The following GALNT18 variants were observed in gnomAD, a reference collection of about 807,000 sequenced individuals.
The protein encoded by GALNT18 is polypeptide N-acetylgalactosaminyltransferase 18.
A neutral mutation model predicts 69.5 loss-of-function variants in GALNT18; 44 were observed. The ratio of observed to expected loss-of-function variants is 0.63; its 90% CI spans 0.50 to 0.81. GALNT18 has a LOEUF of 0.81. GALNT18 is among the 40% of genes least tolerant of loss of function. GALNT18 has a pLI of 0.00. For synonymous variants in GALNT18, 364 were observed against 318.2 expected, an observed-to-expected ratio of 1.14 and a Z score of -1.53; for missense variants, 715 against 810.0, an observed-to-expected ratio of 0.88 and a Z score of 1.42.
intron 1 of GALNT18, among the ~76,000 whole-genome samples, chr11:11,471,629 A>G (rs539099154): frequency 8.5e-5 from 13 of 152,342 alleles, no homozygotes; most frequent in African/African-American, 3.1e-4. Flanking sequence ...TATAAAGTCC[A>G]TAGCACAGGA....
At position 11,617,041 on chromosome 11, in the gene GALNT18, A is replaced by G. The variant is rs908625847; in HGVS notation, c.235+4318T>C. Reference sequence around the variant, plus strand: ...CTTCATAAGCACCTTTAAGTTTCCAATGAATTTTAAAGAAAACAGAACTAT... The same window carrying G: ...CTTCATAAGCACCTTTAAGTTTCCAGTGAATTTTAAAGAAAACAGAACTAT... On this transcript the variant is annotated intron_variant, in intron 1 of 10. Transcript: ENST00000227756. This position sits in a 1 kb window ranked among gnomAD's most constrained non-coding sequence, Gnocchi z 4.7. 1.3e-5 allele frequency among the ~76,000 whole-genome samples: 2 copies of G among 152,350 alleles called. No individual in the cohort carries two copies. Among genetic ancestry groups the G allele is most frequent in the East Asian group, 1.9e-4 (1 of 5,184 alleles).
intron 1 of GALNT18, among the ~76,000 whole-genome samples, chr11:11,467,941 A>G (rs1192797764): frequency 6.6e-6 from 1 of 152,214 alleles, no homozygotes; most frequent in African/African-American, 2.4e-5. Context: ...GAGATGTTCC[A>G]TCCTAAGAGA....
intron 3 of GALNT18, among the ~76,000 whole-genome samples, chr11:11,416,345 C>T (rs575494094): frequency 1.3e-5 from 2 of 152,334 alleles, no homozygotes; most frequent in South Asian, 4.1e-4. Flanking sequence ...CTCTGCACCT[C>T]CTGATCTCAT....
At position 11,584,189 on chromosome 11, in the gene GALNT18, C is replaced by T. The variant is rs146167475; in HGVS notation, c.235+37170G>A. The stretch of plus-strand genomic sequence containing the variant: ...CCAAATGGTAGGACAAGTGGGCCAG[C>T]GGCAATAAAATTAGAGCAAAGTGTC... On this transcript the variant is annotated intron_variant, in intron 1 of 10. Transcript: ENST00000227756. The surrounding 1 kb of genome is among the most constrained non-coding windows in gnomAD (Gnocchi z 4.1). Among the ~76,000 whole-genome samples the T allele has an allele frequency of 7.5e-3, 1,144 of 152,080 alleles. 18 individuals are homozygous for T. The highest frequency in any genetic ancestry group is 0.026 in the African/African-American group (1,074 of 41,444).
At chr11:11,388,435 T>C (rs994262197) in intron 3 of GALNT18, among the ~76,000 whole-genome samples, 1 of 152,240 alleles carries the variant, frequency 6.6e-6, no homozygotes, top group African/African-American at 2.4e-5. Flanking sequence ...GTTAGGAATG[T>C]GTTGTGTTCT....
chr11:11,339,220 C>T lies in GALNT18; in HGVS notation c.1278+1599G>A, dbSNP rs1260159467. Among the ~76,000 whole-genome samples the T allele has an allele frequency of 6.6e-6, 1 of 152,164 alleles. No homozygotes were observed. Among genetic ancestry groups the T allele is most frequent in the East Asian group, 1.9e-4 (1 of 5,184 alleles). ...TATCCTGGGCAATTCCACCTCTTAC[C>T]TGTCTTGTGTTCACTTCCCCCTACC... On this transcript the variant is annotated intron_variant, in intron 7 of 10. Transcript: ENST00000227756. The surrounding 1 kb of genome is among the most constrained non-coding windows in gnomAD (Gnocchi z 5.2).
rs1014245302 is a variant in GALNT18, at chr11:11,323,601, G to A, written c.1512+3485C>T. 1.1e-4 allele frequency among the ~76,000 whole-genome samples: 17 copies of A among 152,360 alleles called. No homozygotes were observed. The East Asian group carries it at 3.3e-3, about 29-fold the overall frequency. The stretch of plus-strand genomic sequence containing the variant: ...CCCTTCTCCTGGTCTTGTGGTGGGA[G>A]TGGCAGCCCTGATGATCCCTAAAAA... On this transcript the variant is annotated intron_variant, in intron 9 of 10. Coordinates refer to ENST00000227756, the MANE Select transcript of GALNT18 (RefSeq NM_198516.3).
chr11:11,599,296 T>A (rs1302082848), intron 1 of GALNT18, among the ~76,000 whole-genome samples: 1 of 152,130 alleles, frequency 6.6e-6, no homozygotes, highest in Admixed American at 6.5e-5. Flanking sequence ...GCATATGTGT[T>A]TATAATTTCT....
At chr11:11,418,053 C>G (rs1854906329) in intron 3 of GALNT18, among the ~76,000 whole-genome samples, 1 of 152,190 alleles carries the variant, frequency 6.6e-6, no homozygotes, top group Non-Finnish European at 1.5e-5. Context: ...GATGATAGAA[C>G]TACTAAATGG....
At chr11:11,330,359 C>T (rs1358434562) in intron 8 of GALNT18, among the ~76,000 whole-genome samples, 1 of 152,186 alleles carries the variant, frequency 6.6e-6, no homozygotes, top group Non-Finnish European at 1.5e-5. Context: ...TGATTCAGAC[C>T]CAGCAAATAC....
At chr11:11,560,482 C>T (rs927299840) in intron 1 of GALNT18, among the ~76,000 whole-genome samples, 1 of 152,188 alleles carries the variant, frequency 6.6e-6, no homozygotes, top group Non-Finnish European at 1.5e-5. Context: ...GTCTGTAAGG[C>T]TGGGAACGTG....
Position 11,494,852 on chromosome 11 carries a change from C to T in GALNT18, c.236-45916G>A, listed in dbSNP as rs1272513742. On this transcript the variant is annotated intron_variant, in intron 1 of 10. Transcript: ENST00000227756. This position sits in a 1 kb window ranked among gnomAD's most constrained non-coding sequence, Gnocchi z 5.7. ...GGGAAGTATTTTAATCTTACAACTC[C>T]AACCATGATCATCTGGGAGTGTTGC... 1.3e-5 allele frequency among the ~76,000 whole-genome samples: 2 copies of T among 152,194 alleles called. No homozygotes were observed.
At chr11:11,428,404 A>G (rs894888373) in intron 3 of GALNT18, among the ~76,000 whole-genome samples, 1 of 152,328 alleles carries the variant, frequency 6.6e-6, no homozygotes, top group Admixed American at 6.5e-5. Context: ...AGCCAGGGCC[A>G]GGCCCCTTCC....
intron 1 of GALNT18, among the ~76,000 whole-genome samples, chr11:11,547,554 C>T (rs1858087449): frequency 6.6e-6 from 1 of 152,192 alleles, no homozygotes; most frequent in Non-Finnish European, 1.5e-5. Flanking sequence ...GTCATCCAGG[C>T]TGCAGGAAGC....
At chr11:11,293,575 C>T (rs1769685717) in intron 9 of GALNT18, among the ~76,000 whole-genome samples, 1 of 117,488 alleles carries the variant, frequency 8.5e-6, no homozygotes, top group South Asian at 2.9e-4. Flanking sequence ...GAGTCTTGCT[C>T]TGTTGCCCAG....
chr11:11,434,858 T>A (rs1023624497), intron 2 of GALNT18, among the ~76,000 whole-genome samples: 1 of 152,188 alleles, frequency 6.6e-6, no homozygotes, highest in African/African-American at 2.4e-5. Flanking sequence ...AGAACAGCAA[T>A]TAAAAGATTT....
intron 1 of GALNT18, among the ~76,000 whole-genome samples, chr11:11,570,779 C>A (rs1669633541): frequency 6.6e-6 from 1 of 152,202 alleles, no homozygotes; most frequent in South Asian, 2.1e-4. Flanking sequence ...TCCATTGCAT[C>A]CCCAGCACGA....
chr11:11,580,735 AC>A (rs755485954), intron 1 of GALNT18, among the ~76,000 whole-genome samples: 16 of 152,282 alleles, frequency 1.1e-4, no homozygotes, highest in Non-Finnish European at 1.8e-4. Flanking sequence ...GGGTCATCAC[AC>A]CATAGCAGGG....
intron 6 of GALNT18, among the ~76,000 whole-genome samples, chr11:11,353,596 C>A (rs950649192): frequency 1.8e-4 from 28 of 152,278 alleles, no homozygotes; most frequent in African/African-American, 6.7e-4. Context: ...GTGGCTGTTT[C>A]TTTCCTCTCT....
Sources: gnomAD v4.1 joint callset for allele counts (sites outside exome capture counted in the v4.1 genomes callset) on GRCh38, gnomAD v4.1.1 for gene constraint, Gnocchi (gnomAD v3.1) non-coding constraint, MANE v1.5 for transcripts, NCBI Gene and HGNC (gene_info 2026-07-23, HGNC 2026-07-21) for gene names.